Variants in GZMA observed in about 807,000 individuals in gnomAD.
GZMA encodes the protein CTL tryptase.
In GZMA, 17 loss-of-function variants were observed where a neutral mutation model predicts 21.1. The observed-to-expected ratio is 0.81, with a 90% CI of 0.55 to 1.21. The LOEUF is 1.21. GZMA is among the 50% of genes most tolerant of loss of function. The pLI, the probability that GZMA is intolerant of heterozygous loss-of-function variation, is 0.00. For synonymous variants in GZMA, 90 were observed against 107.8 expected (o/e 0.83, Z 1.03); for missense variants, 306 against 315.9 (o/e 0.97, Z 0.24).
Position 55,110,168 on chromosome 5 carries a change from A to G in GZMA, c.775A>G (p.Lys259Glu). ...KHLNWIIMTI[K>E]GAV is the part of the protein sequence containing the mutation. ...CCTCAACTGGATAATTATGACTATCAAGGGAGCAGTTTAAATAACCGTTTC... is the reference window on the plus strand; with the variant it reads ...CCTCAACTGGATAATTATGACTATCGAGGGAGCAGTTTAAATAACCGTTTC... Residue 259 changes from lysine (K) to glutamate (E), a missense_variant, in exon 5 of 5, where the codon AAG (lysine) becomes GAG (glutamate). Transcript: ENST00000274306. The G allele has an allele frequency of 6.3e-7, 1 of 1,593,328 alleles. No homozygotes were observed. Among genetic ancestry groups the G allele is most frequent in the Non-Finnish European group, 8.5e-7 (1 of 1,172,244 alleles).
In GZMA at chr5:55,110,187, C is replaced by A. The variant is rs367648448; in HGVS notation, c.*5C>A. ...ACTATCAAGGGAGCAGTTTAAATAACCGTTTCCTTTCATTTACTGTGGCTT... is the reference window on the plus strand; with the variant it reads ...ACTATCAAGGGAGCAGTTTAAATAAACGTTTCCTTTCATTTACTGTGGCTT... On this transcript the variant is annotated 3_prime_UTR_variant, in exon 5 of 5. Transcript: ENST00000274306. 85 of 1,569,790 alleles carry A rather than the reference C, an allele frequency of 5.4e-5. No homozygotes were observed. The African/African-American group carries it at 7.2e-4, about 13-fold the overall frequency.
intron 1 of GZMA, among the ~76,000 whole-genome samples, chr5:55,104,900 G>A (rs1221598216): frequency 6.6e-6 from 1 of 152,114 alleles, no homozygotes; most frequent in Non-Finnish European, 1.5e-5. Flanking sequence ...AGGTGCAATC[G>A]ATGTTATTTT....
rs1742323577 is a variant in GZMA at position 55,102,681 on chromosome 5, C to T, written c.-2C>T. ...GTTGATTGATGTGGGACAGCAGCCA[C>T]AATGAGGAACTCCTATAGATTTCTG... On this transcript the variant is annotated 5_prime_UTR_variant, in exon 1 of 5. Coordinates refer to ENST00000274306, the MANE Select transcript of GZMA (RefSeq NM_006144.4). The T allele has an allele frequency of 5.0e-6, 8 of 1,598,574 alleles. No individual in the cohort carries two copies. Among genetic ancestry groups the T allele is most frequent in the Non-Finnish European group, 6.0e-6 (7 of 1,165,868 alleles).
In GZMA at chr5:55,105,460, T is replaced by G; in HGVS notation, c.71-14T>G. ...GGTGAGCACCAATCTGATTTGTCTT[T>G]TTCCATTGAACAGATGTCTGTGAAA... On this transcript the variant is annotated splice_polypyrimidine_tract_variant and intron_variant, in intron 1 of 4. Transcript: ENST00000274306. The G allele has an allele frequency of 6.2e-7, 1 of 1,609,672 alleles. No homozygotes were observed. The highest frequency in any genetic ancestry group is 8.5e-7 in the Non-Finnish European group (1 of 1,177,672).
intron 1 of GZMA, among the ~76,000 whole-genome samples, chr5:55,104,672 A>G (rs1742354653): frequency 6.6e-6 from 1 of 152,214 alleles, no homozygotes; most frequent in South Asian, 2.1e-4. Context: ...CTCGGAGTGT[A>G]TCACTAAGAC....
chr5:55,103,004 T>TG (rs1742329818), intron 1 of GZMA, among the ~76,000 whole-genome samples: 1 of 151,964 alleles, frequency 6.6e-6, no homozygotes, highest in South Asian at 2.1e-4. Flanking sequence ...TCTATTTTTT[T>TG]TTTTTAAATA....
intron 1 of GZMA, among the ~76,000 whole-genome samples, chr5:55,104,010 A>C (rs2111749829): frequency 6.6e-6 from 1 of 152,232 alleles, no homozygotes; most frequent in African/African-American, 2.4e-5. Context: ...GTCTCAAAAA[A>C]AAAACAAAAA....
chr5:55,102,788 G>GGTCAT, intron 1 of GZMA, 36 bp downstream of exon 1: 1 of 1,277,548 alleles, frequency 7.8e-7, no homozygotes, highest in Non-Finnish European at 1.1e-6. Context: ...TTATGACCAT[G>GGTCAT]AAGCAAAATG....
In GZMA at chr5:55,102,703, T is replaced by C. The variant is rs750872730; in HGVS notation, c.21T>C (p.Phe7=). The part of the protein sequence containing the change: MRNSYR[F]LASSLSVVVS... ...CCACAATGAGGAACTCCTATAGATTTCTGGCATCCTCTCTCTCAGTTGTCG... is the reference window on the plus strand; with the variant it reads ...CCACAATGAGGAACTCCTATAGATTCCTGGCATCCTCTCTCTCAGTTGTCG... The change falls in exon 1 of 5, where the codon TTT becomes TTC. Residue 7 remains phenylalanine (F), a synonymous_variant. Transcript: ENST00000274306. The C allele has an allele frequency of 7.5e-6, 12 of 1,609,562 alleles. No homozygotes were observed. The highest frequency in any genetic ancestry group is 6.7e-5 in the Admixed American group (4 of 60,010).
At chr5:55,102,895 C>A in intron 1 of GZMA, 143 bp downstream of exon 1, 1 of 655,832 alleles carries the variant, frequency 1.5e-6, no homozygotes, top group South Asian at 1.7e-5. Flanking sequence ...GGCACAATGG[C>A]ACATGCCTGT....
rs749101759 is a variant in GZMA, at chr5:55,105,482, G to GA, written c.85dup (p.Ile29AsnfsTer6). ...CTTTTTCCATTGAACAGATGTCTGT[G>GA]AAAAAATTATTGGAGGAAATGAAGT... On this transcript the variant is annotated frameshift_variant, in exon 2 of 5. Transcript: ENST00000274306. LOFTEE classifies it high-confidence loss of function. The GA allele has an allele frequency of 1.9e-6, 3 of 1,612,658 alleles. No individual in the cohort carries two copies. The South Asian group carries it at 3.3e-5, about 18-fold the overall frequency.
Position 55,110,068 on chromosome 5 carries a change from C to T in GZMA, c.675C>T (p.Val225=). ...TGTGCGAGGGTGTTTTCCGAGGGGT[C>T]ACTTCCTTTGGCCTTGAAAATAAAT... ...PLLCEGVFRG[V]TSFGLENKCG... is the part of the protein sequence containing the mutation. Residue 225 remains valine (V), a synonymous_variant, in exon 5 of 5, where the codon GTC becomes GTT. Transcript: ENST00000274306. The T allele has an allele frequency of 6.2e-7, 1 of 1,612,228 alleles. No homozygotes were observed. Among genetic ancestry groups the T allele is most frequent in the South Asian group, 1.1e-5 (1 of 90,778 alleles).
intron 1 of GZMA, among the ~76,000 whole-genome samples, chr5:55,103,508 G>A (rs992205580): frequency 2.0e-5 from 3 of 152,146 alleles, no homozygotes; most frequent in Non-Finnish European, 2.9e-5. Flanking sequence ...TTAAAATGCT[G>A]TATAATTCAT....
chr5:55,106,825 G>A (rs1047479661), intron 2 of GZMA, among the ~76,000 whole-genome samples: 5 of 152,066 alleles, frequency 3.3e-5, no homozygotes, highest in Admixed American at 2.0e-4. Context: ...GCTACATGTA[G>A]CTATGTAAAT....
chr5:55,104,813 C>T, intron 1 of GZMA, among the ~76,000 whole-genome samples: 1 of 152,212 alleles, frequency 6.6e-6, no homozygotes, highest in Non-Finnish European at 1.5e-5. Context: ...CATATGGTAT[C>T]TTCTCTCTTC....
intron 4 of GZMA, 59 bp downstream of exon 4, chr5:55,108,453 AT>A (rs1475379540): frequency 7.4e-7 from 1 of 1,356,598 alleles, no homozygotes; most frequent in African/African-American, 1.4e-5. Context: ...GACAGAGAAA[AT>A]GTAATGTCAT....
At position 55,110,064 on chromosome 5, in the gene GZMA, G is replaced by A. The variant is rs1481184460; in HGVS notation, c.671G>A (p.Gly224Glu). The change falls in exon 5 of 5, where the codon GGG (glycine) becomes GAG (glutamate). Residue 224 changes from glycine to glutamate, a missense_variant. Gly to Glu is a moderately conservative substitution (Grantham distance 98). Coordinates refer to ENST00000274306, the MANE Select transcript of GZMA (RefSeq NM_006144.4). ...SPLLCEGVFRGVTSFGLENKC... is the reference protein window; with the variant it reads ...SPLLCEGVFREVTSFGLENKC... Reference sequence around the variant, plus strand: ...TTGTTGTGCGAGGGTGTTTTCCGAGGGGTCACTTCCTTTGGCCTTGAAAAT... The same window carrying A: ...TTGTTGTGCGAGGGTGTTTTCCGAGAGGTCACTTCCTTTGGCCTTGAAAAT... 3 of 1,612,212 alleles carry A rather than the reference G, an allele frequency of 1.9e-6. No individual in the cohort carries two copies. Among genetic ancestry groups the A allele is most frequent in the Non-Finnish European group, 1.7e-6 (2 of 1,179,208 alleles).
rs1742440385 is a variant in GZMA, at chr5:55,107,895, A to T, written c.317A>T (p.Tyr106Phe). 6.2e-7 allele frequency: 1 copy of T among 1,613,216 alleles called. No individual in the cohort carries two copies. The highest frequency in any genetic ancestry group is 1.7e-5 in the Admixed American group (1 of 59,996). Reference protein sequence around the residue: ...LVKKEFPYPCYDPATREGDLK... With the variant: ...LVKKEFPYPCFDPATREGDLK... Reference sequence around the variant, plus strand: ...AAGAAAGAGTTTCCCTATCCATGCTATGACCCAGCCACACGCGAAGGTGAC... The same window carrying T: ...AAGAAAGAGTTTCCCTATCCATGCTTTGACCCAGCCACACGCGAAGGTGAC... Residue 106 changes from tyrosine to phenylalanine, a missense_variant, in exon 3 of 5, where the codon TAT becomes TTT. By Grantham distance (22) the Tyr-to-Phe change is conservative. Transcript: ENST00000274306.
At position 55,107,850 on chromosome 5, in the gene GZMA, CA is replaced by C. The variant is rs770229169; in HGVS notation, c.276del (p.Lys92AsnfsTer3). ...GAHSITREEP[T>X]KQIMLVKKEF... Reference sequence around the variant, plus strand: ...CACTCAATAACCAGGGAAGAGCCAACAAAACAGATAATGCTTGTTAAGAAAG... The same window carrying C: ...CACTCAATAACCAGGGAAGAGCCAACAAACAGATAATGCTTGTTAAGAAAG... On this transcript the variant is annotated frameshift_variant, in exon 3 of 5. Transcript: ENST00000274306. LOFTEE classifies it high-confidence loss of function. The C allele has an allele frequency of 6.8e-6, 11 of 1,612,552 alleles. No individual in the cohort carries two copies. In the African/African-American group the frequency reaches 1.5e-4, roughly 22 times the overall value.
Sources: allele counts gnomAD v4.1 joint callset (sites outside exome capture counted in the v4.1 genomes callset), GRCh38; gene constraint gnomAD v4.1.1; transcripts MANE v1.5; gene names NCBI Gene and HGNC (gene_info 2026-07-23, HGNC 2026-07-21).